Variants in TRUB1 observed in about 807,000 individuals in gnomAD.
TRUB1 encodes the protein TruB pseudouridine synthase family member 1.
In TRUB1, 23 loss-of-function variants were observed where a neutral mutation model predicts 33.9. The ratio of observed to expected loss-of-function variants is 0.68; its 90% CI spans 0.49 to 0.96. TRUB1 has a LOEUF of 0.96. Ranked by LOEUF, TRUB1 falls within the 40% of genes least tolerant of loss-of-function variation. The probability of loss-of-function intolerance (pLI) is 0.00; values close to 1 mark genes in which losing one functional copy is unlikely to be tolerated. For missense variants in TRUB1, 378 were observed against 422.2 expected (o/e 0.90, Z 0.92); for synonymous variants, 163 against 165.4 (o/e 0.99, Z 0.11).
Position 114,975,210 on chromosome 10 carries a change from A to G in TRUB1, c.881A>G (p.Lys294Arg). 2 of 1,613,758 alleles carry G rather than the reference A, an allele frequency of 1.2e-6. No individual in the cohort carries two copies. Among genetic ancestry groups the G allele is most frequent in the African/African-American group, 2.7e-5 (2 of 75,024 alleles). ...TLEEHALPEDKWTIDDIAQSL... is the reference protein window; with the variant it reads ...TLEEHALPEDRWTIDDIAQSL... ...GAAGAACATGCCCTTCCTGAAGACA[A>G]ATGGACAATTGATGACATTGCACAG... Residue 294 changes from lysine (K) to arginine (R), a missense_variant, in exon 8 of 8, where the codon AAA (lysine) becomes AGA (arginine). Lys to Arg is a conservative substitution (Grantham distance 26). Transcript: ENST00000298746.
intron 5 of TRUB1, among the ~76,000 whole-genome samples, 193 bp from the exon 6 acceptor site, chr10:114,971,942 T>C (rs1040964342): frequency 2.0e-5 from 3 of 152,208 alleles, no homozygotes; most frequent in East Asian, 1.9e-4. Flanking sequence ...TTAGAAACTC[T>C]ATCCATGACA....
intron 3 of TRUB1, among the ~76,000 whole-genome samples, chr10:114,952,205 G>C (rs576724739): frequency 6.6e-6 from 1 of 152,162 alleles, no homozygotes; most frequent in Non-Finnish European, 1.5e-5. Flanking sequence ...TTGGAAGGCC[G>C]AGGCGGGCAG....
At position 114,975,175 on chromosome 10, in the gene TRUB1, A is replaced by G. The variant is rs762559788; in HGVS notation, c.846A>G (p.Pro282=). The G allele has an allele frequency of 1.1e-5, 17 of 1,613,490 alleles. No individual in the cohort carries two copies. The highest frequency in any genetic ancestry group is 1.4e-5 in the Non-Finnish European group (17 of 1,179,694). Residue 282 remains proline, a synonymous_variant, in exon 8 of 8, where the codon CCA becomes CCG. Transcript: ENST00000298746. ...VLELTRTKQG[P]FTLEEHALPE... The stretch of plus-strand genomic sequence containing the variant: ...AGCTGACCCGAACCAAACAGGGACC[A>G]TTTACGCTAGAAGAACATGCCCTTC...
rs2084366030 is a variant in TRUB1, at chr10:114,977,419, A to C, written c.*2040A>C. ...TATTGCTGAATACTTAAGTAGTTTTAAATTTTATTATGATAAATTCCTGGG... is the reference window on the plus strand; with the variant it reads ...TATTGCTGAATACTTAAGTAGTTTTCAATTTTATTATGATAAATTCCTGGG... On this transcript the variant is annotated 3_prime_UTR_variant, in exon 8 of 8. Coordinates refer to ENST00000298746, the MANE Select transcript of TRUB1 (RefSeq NM_139169.5). The C allele has an allele frequency of 6.6e-6, 1 of 152,036 alleles. No homozygotes were observed. Among genetic ancestry groups the C allele is most frequent in the African/African-American group, 2.4e-5 (1 of 41,436 alleles). The allele number at this position is 152,036 out of a possible 1,614,324, so 9.4% of individuals were successfully genotyped here. A position where few individuals can be genotyped will look rare whatever the true frequency, so the allele number is the denominator to read the frequency against.
At chr10:114,943,333 G>C (rs1194303345) in intron 2 of TRUB1, among the ~76,000 whole-genome samples, 5 of 152,032 alleles carry the variant, frequency 3.3e-5, no homozygotes, top group Admixed American at 6.6e-5. Context: ...AATTCGAGAC[G>C]AGCCTGACCA....
chr10:114,958,227 G>A (rs1436590817), intron 3 of TRUB1, among the ~76,000 whole-genome samples: 1 of 152,152 alleles, frequency 6.6e-6, no homozygotes, highest in African/African-American at 2.4e-5. Context: ...ATGCTTAGTC[G>A]AGGTTGATTG....
In TRUB1 at chr10:114,977,234, T is replaced by A. The variant is rs1257809951; in HGVS notation, c.*1855T>A. 2.0e-5 allele frequency: 3 copies of A among 152,156 alleles called. No homozygotes were observed. Among genetic ancestry groups the A allele is most frequent in the African/African-American group, 7.2e-5 (3 of 41,456 alleles). The allele number at this position is 152,156 out of a possible 1,614,324, so 9.4% of individuals were successfully genotyped here. ...AATGTAGTAACTTTAGAATTTAAAT[T>A]TTTATATTACTATTTTCCTTTTTGT... On this transcript the variant is annotated 3_prime_UTR_variant, in exon 8 of 8. Transcript: ENST00000298746.
At chr10:114,948,975 C>G (rs2084222836) in intron 2 of TRUB1, among the ~76,000 whole-genome samples, 1 of 152,236 alleles carries the variant, frequency 6.6e-6, no homozygotes. Flanking sequence ...CTCCGAAATG[C>G]TTGAATGAAG....
intron 5 of TRUB1, among the ~76,000 whole-genome samples, chr10:114,971,826 A>G (rs1006932588): frequency 6.6e-6 from 1 of 152,198 alleles, no homozygotes; most frequent in Non-Finnish European, 1.5e-5. Context: ...GAGGACTAGT[A>G]AGGACAAGAC....
At chr10:114,951,923 T>A (rs981701890) in intron 3 of TRUB1, among the ~76,000 whole-genome samples, 3 of 152,202 alleles carry the variant, frequency 2.0e-5, no homozygotes, top group Non-Finnish European at 2.9e-5. Context: ...TATAAATTGT[T>A]GATAAAATGA....
rs75916586 is a variant in TRUB1, at chr10:114,956,460, G to A, written c.442-3266G>A. Among the ~76,000 whole-genome samples, 769 of 152,198 alleles carry A rather than the reference G, an allele frequency of 5.1e-3. 9 individuals are homozygous for A. The highest frequency in any genetic ancestry group is 0.017 in the African/African-American group (713 of 41,522). On this transcript the variant is annotated intron_variant, in intron 3 of 7. Transcript: ENST00000298746. ...TATCCCAATATCTTTTTGGTCGTGA[G>A]GCTTTGTTTCAGCTGAAGGCTTAAC... is the stretch of plus-strand genomic sequence containing the variant.
rs1168151599 is a variant in TRUB1 at position 114,977,371 on chromosome 10, T to G, written c.*1992T>G. ...ATTTTAATTATATTACTTTATACTC[T>G]TAATTTATTTAGAGTATTTCTCTAT... is the stretch of plus-strand genomic sequence containing the variant. On this transcript the variant is annotated 3_prime_UTR_variant, in exon 8 of 8. Transcript: ENST00000298746. The G allele has an allele frequency of 6.6e-6, 1 of 152,088 alleles. No individual in the cohort carries two copies. Among genetic ancestry groups the G allele is most frequent in the Admixed American group, 6.5e-5 (1 of 15,268 alleles). 9.4% of individuals were successfully genotyped at this position (152,088 alleles called of 1,614,324 possible). A position where few individuals can be genotyped will look rare whatever the true frequency, so the allele number is the denominator to read the frequency against.
chr10:114,938,223 C>A lies in TRUB1; in HGVS notation c.-31C>A, dbSNP rs376743642. On this transcript the variant is annotated 5_prime_UTR_variant, in exon 1 of 8. Transcript: ENST00000298746. ...CTTGTTGCATCATCAGCGTGCACCTCCACGATGAAACAGGTCTGGGCTACA... is the reference window on the plus strand; with the variant it reads ...CTTGTTGCATCATCAGCGTGCACCTACACGATGAAACAGGTCTGGGCTACA... 15 of 1,606,296 alleles carry A rather than the reference C, an allele frequency of 9.3e-6. No homozygotes were observed. In the Middle Eastern group the frequency reaches 5.0e-4, roughly 53 times the overall value.
intron 4 of TRUB1, among the ~76,000 whole-genome samples, chr10:114,963,372 C>T (rs1296723621): frequency 1.3e-5 from 2 of 152,094 alleles, no homozygotes; most frequent in Non-Finnish European, 2.9e-5. Flanking sequence ...GTGATATGAA[C>T]CAATAGGGTA....
intron 4 of TRUB1, among the ~76,000 whole-genome samples, chr10:114,964,556 C>T (rs892931882): frequency 4.6e-5 from 7 of 152,154 alleles, no homozygotes; most frequent in African/African-American, 7.2e-5. Flanking sequence ...ATCAGGCCTT[C>T]TCCTTTATGG....
chr10:114,962,872 A>C (rs2084290176), intron 4 of TRUB1, among the ~76,000 whole-genome samples: 1 of 152,212 alleles, frequency 6.6e-6, no homozygotes. Context: ...AAAGATAGGC[A>C]GCAGAGGCAT....
At chr10:114,944,824 AAAATTAAAAAATTAGCTGGGTGT>A (rs2143020435) in intron 2 of TRUB1, among the ~76,000 whole-genome samples, 1 of 152,154 alleles carries the variant, frequency 6.6e-6, no homozygotes, top group African/African-American at 2.4e-5. Flanking sequence ...ATCTCTATAA[AAAATTAAAAAATTAGCTGGGTGT>A]GGTGACACAT....
At chr10:114,966,032 A>G (rs2084306233) in intron 4 of TRUB1, among the ~76,000 whole-genome samples, 1 of 152,152 alleles carries the variant, frequency 6.6e-6, no homozygotes, top group Non-Finnish European at 1.5e-5. Context: ...TAATTGGCAT[A>G]CAGAAATACT....
intron 4 of TRUB1, among the ~76,000 whole-genome samples, chr10:114,966,759 G>T (rs1355435442): frequency 6.6e-6 from 1 of 152,114 alleles, no homozygotes; most frequent in African/African-American, 2.4e-5. Context: ...TTCATTGGTG[G>T]TATATAGAAA....
Sources: gnomAD v4.1 joint callset for allele counts (sites outside exome capture counted in the v4.1 genomes callset) on GRCh38, gnomAD v4.1.1 for gene constraint, MANE v1.5 for transcripts, NCBI Gene and HGNC (gene_info 2026-07-23, HGNC 2026-07-21) for gene names.